The following AGBL1 variants were observed in gnomAD, a reference collection of about 807,000 sequenced individuals.
AGBL1 encodes the protein AGBL carboxypeptidase 1.
Under a neutral mutation model 118.9 loss-of-function variants are expected in AGBL1, and 130 were observed. The ratio of observed to expected loss-of-function variants is 1.09; its 90% CI spans 0.95 to 1.26. AGBL1 has a LOEUF of 1.26. Among genes scored for constraint, AGBL1 ranks in the 50% most tolerant of loss-of-function variants. The probability of loss-of-function intolerance (pLI) is 0.00; values close to 1 mark genes in which losing one functional copy is unlikely to be tolerated. For synonymous variants in AGBL1, 555 were observed against 478.9 expected, an observed-to-expected ratio of 1.16 and a Z score of -2.08; for missense variants, 1,584 against 1,298.1, an observed-to-expected ratio of 1.22 and a Z score of -3.38.
At chr15:87,030,171 G>A (rs938157850), downstream of AGBL1, among the ~76,000 whole-genome samples, 3 of 151,932 alleles carry the variant, frequency 2.0e-5, no homozygotes, top group Non-Finnish European at 2.9e-5. Flanking sequence ...ATTACTTTAT[G>A]TGTCTACTGT....
intron 18 of AGBL1, among the ~76,000 whole-genome samples, chr15:86,470,764 T>C (rs911282932): frequency 3.9e-5 from 6 of 152,146 alleles, no homozygotes; most frequent in African/African-American, 1.4e-4. Flanking sequence ...GTTAAATGCA[T>C]TTCTAAGTGT....
At chr15:86,354,008 G>C (rs1402070683) in intron 17 of AGBL1, among the ~76,000 whole-genome samples, 1 of 152,178 alleles carries the variant, frequency 6.6e-6, no homozygotes, top group Non-Finnish European at 1.5e-5. Flanking sequence ...TTTAATTTCA[G>C]AGAATGTAGC....
chr15:86,631,266 C>G (rs544010794), intron 21 of AGBL1: 1 of 152,234 alleles, frequency 6.6e-6, no homozygotes, highest in Non-Finnish European at 1.5e-5. Context: ...CCTCTTGTCA[C>G]AGCTTCCTTA....
chr15:86,348,066 C>T (rs1480215401), intron 17 of AGBL1, among the ~76,000 whole-genome samples: 1 of 152,130 alleles, frequency 6.6e-6, no homozygotes, highest in Non-Finnish European at 1.5e-5. Context: ...TTCCAATTCA[C>T]CCCTACTTCT....
rs1436867324 is a variant in AGBL1, at chr15:86,974,402, C to CATATTAAATATAAACATATTTTAT, written c.3222-13555_3222-13532dup. ...AACATTTTAATATATTAAATATAAA[C>CATATTAAATATAAACATATTTTAT]ATATTAAATATAAACATATTTTATA... On this transcript the variant is annotated intron_variant, in intron 23 of 24. Coordinates refer to the AGBL1 transcript ENST00000441037. 3.9e-3 allele frequency among the ~76,000 whole-genome samples: 382 copies of CATATTAAATATAAACATATTTTAT among 97,060 alleles called. 24 individuals carry two copies. The highest frequency in any genetic ancestry group is 0.01 in the Middle Eastern group (1 of 98). The allele number at this position is 97,060 out of a possible 152,430, so 63.7% of individuals were successfully genotyped here.
In AGBL1 at chr15:86,543,917, C is replaced by T. The variant is rs2083540179; in HGVS notation, c.2686-2085C>T. Among the ~76,000 whole-genome samples the T allele has an allele frequency of 2.0e-5, 3 of 152,132 alleles. No individual in the cohort carries two copies. The South Asian group carries it at 6.2e-4, about 32-fold the overall frequency. On this transcript the variant is annotated intron_variant, in intron 19 of 22. Transcript: ENST00000614907. Reference sequence around the variant, plus strand: ...CAGAAAACAGGTGGCTTGCCTTTTTCTTCATAGATAAGGAGAAGGCATACA... The same window carrying T: ...CAGAAAACAGGTGGCTTGCCTTTTTTTTCATAGATAAGGAGAAGGCATACA...
chr15:86,291,694 C>T (rs566618253), intron 16 of AGBL1, among the ~76,000 whole-genome samples: 1 of 152,100 alleles, frequency 6.6e-6, no homozygotes, highest in Non-Finnish European at 1.5e-5. Context: ...CCATCTCAGC[C>T]TAGGAATACT....
At chr15:86,351,931 T>A (rs2080633565) in intron 17 of AGBL1, among the ~76,000 whole-genome samples, 1 of 152,174 alleles carries the variant, frequency 6.6e-6, no homozygotes, top group Non-Finnish European at 1.5e-5. Context: ...TAACTTACAT[T>A]AAAAGTGTGA....
chr15:86,473,359 T>G (rs768071033), intron 18 of AGBL1, among the ~76,000 whole-genome samples: 8 of 152,114 alleles, frequency 5.3e-5, no homozygotes, highest in Non-Finnish European at 1.0e-4. Flanking sequence ...GTTAGGAAAA[T>G]TTTTCTCTAT....
intron 17 of AGBL1, among the ~76,000 whole-genome samples, chr15:86,316,284 C>T (rs980780646): frequency 2.6e-5 from 4 of 152,198 alleles, no homozygotes; most frequent in African/African-American, 7.2e-5. Flanking sequence ...GTGAAAGGCT[C>T]TTCCAGAGGC....
chr15:86,838,970 A>G (rs1200351735), intron 22 of AGBL1, among the ~76,000 whole-genome samples: 1 of 147,782 alleles, frequency 6.8e-6, no homozygotes, highest in Non-Finnish European at 1.5e-5. Context: ...AAAAAAAGAA[A>G]GAAATGTAGC....
At chr15:86,170,340 A>C (rs1223719417) in intron 5 of AGBL1, among the ~76,000 whole-genome samples, 1 of 152,150 alleles carries the variant, frequency 6.6e-6, no homozygotes, top group Non-Finnish European at 1.5e-5. Flanking sequence ...TTTGAGAAGA[A>C]GAGAGCACTA....
intron 24 of AGBL1, among the ~76,000 whole-genome samples, chr15:87,006,678 T>C (rs1409114228): frequency 2.0e-5 from 3 of 152,116 alleles, no homozygotes; most frequent in African/African-American, 7.2e-5. Flanking sequence ...GGCTCATGCT[T>C]TGTGCACTGC....
At chr15:86,518,651 C>A (rs1000377656) in intron 18 of AGBL1, among the ~76,000 whole-genome samples, 7 of 152,046 alleles carry the variant, frequency 4.6e-5, no homozygotes, top group African/African-American at 1.4e-4. Flanking sequence ...AAAGATAATG[C>A]GTGTGGGAAA....
intron 18 of AGBL1, among the ~76,000 whole-genome samples, chr15:86,482,601 A>C (rs1254043453): frequency 6.6e-6 from 1 of 152,050 alleles, no homozygotes; most frequent in African/African-American, 2.4e-5. Context: ...TTATATTAAG[A>C]AGCAGTGTGA....
chr15:86,254,923 T>C (rs1018490947), intron 7 of AGBL1, among the ~76,000 whole-genome samples: 1 of 152,216 alleles, frequency 6.6e-6, no homozygotes, highest in Non-Finnish European at 1.5e-5. Context: ...TATATCATGA[T>C]TCCTAAAGCC....
At chr15:86,714,502 A>T (rs1042498604) in intron 22 of AGBL1, among the ~76,000 whole-genome samples, 5 of 152,208 alleles carry the variant, frequency 3.3e-5, no homozygotes, top group African/African-American at 1.2e-4. Flanking sequence ...GTGTGCAGAT[A>T]ATCAGGAGCC....
chr15:86,382,826 T>C (rs1026514582), intron 17 of AGBL1, among the ~76,000 whole-genome samples: 2 of 152,170 alleles, frequency 1.3e-5, no homozygotes, highest in African/African-American at 4.8e-5. Flanking sequence ...TAATTCTGTT[T>C]GTGGAGTAAC....
chr15:86,625,472 A>G (rs867667862), intron 21 of AGBL1, among the ~76,000 whole-genome samples: 2 of 149,490 alleles, frequency 1.3e-5, no homozygotes, highest in Middle Eastern at 3.5e-3. Context: ...GAGACATTTT[A>G]ATCCAGATCT....
Sources: allele counts gnomAD v4.1 joint callset (sites outside exome capture counted in the v4.1 genomes callset), GRCh38; gene constraint gnomAD v4.1.1; transcripts MANE v1.5; gene names NCBI Gene and HGNC (gene_info 2026-07-23, HGNC 2026-07-21).